Variants in ATP10B observed in about 807,000 individuals in gnomAD.
ATP10B encodes the protein ATPase phospholipid transporting 10B (putative).
ATP10B carries 122 observed loss-of-function variants against 141.2 expected under a neutral mutation model. The observed-to-expected ratio is 0.86, with a 90% CI of 0.75 to 1.00. The LOEUF (loss-of-function observed/expected upper bound fraction) is 1.00, where lower values mean the gene tolerates loss of function less well. Among genes scored for constraint, ATP10B ranks in the 50% least tolerant of loss-of-function variants. The probability of loss-of-function intolerance (pLI) is 0.00; values close to 1 mark genes in which losing one functional copy is unlikely to be tolerated. For synonymous variants in ATP10B, 685 were observed against 692.0 expected (o/e 0.99, Z 0.16); for missense variants, 1,876 against 1,825.3 (o/e 1.03, Z -0.51).
chr5:160,858,218 ATGTCTC>A, the ATP10B span, among the ~76,000 whole-genome samples: 1 of 151,822 alleles, frequency 6.6e-6, no homozygotes, highest in Non-Finnish European at 1.5e-5. Flanking sequence ...CCATTATATA[ATGTCTC>A]TGTCTCTGGT....
chr5:160,813,189 G>C lies in ATP10B; in HGVS notation c.-575-27386C>G, dbSNP rs558973127. On this transcript the variant is annotated intron_variant, in intron 1 of 25. Transcript: ENST00000327245. ...ATGAGCCGAAGCAGGGCGAGGCATC[G>C]CCTCACCCGGGAAGCACAAGGGGTC... is the stretch of plus-strand genomic sequence containing the variant. Among the ~76,000 whole-genome samples, 3 of 152,328 alleles carry C rather than the reference G, an allele frequency of 2.0e-5. No individual in the cohort carries two copies. In the South Asian group the frequency reaches 6.2e-4, roughly 32 times the overall value.
intron 2 of ATP10B, among the ~76,000 whole-genome samples, chr5:160,750,713 G>T (rs1342908102): frequency 6.6e-6 from 1 of 152,102 alleles, no homozygotes; most frequent in Non-Finnish European, 1.5e-5. Context: ...ATAAATTGCA[G>T]CCCCTTAAAC....
At chr5:160,627,541 A>G (rs1758673850) in intron 13 of ATP10B, among the ~76,000 whole-genome samples, 1 of 152,178 alleles carries the variant, frequency 6.6e-6, no homozygotes, top group Non-Finnish European at 1.5e-5. Flanking sequence ...AACTGGTACA[A>G]CGTCTTGGGA....
intron 16 of ATP10B, 89 bp from the exon 17 acceptor site, chr5:160,616,053 G>T: frequency 1.4e-6 from 2 of 1,455,774 alleles, no homozygotes; most frequent in African/African-American, 1.4e-5. Context: ...TCTCCTATTG[G>T]CCTGTTTGAA....
intron 2 of ATP10B, among the ~76,000 whole-genome samples, chr5:160,783,446 C>CATAT (rs368913170): frequency 7.9e-4 from 95 of 120,568 alleles, no homozygotes; most frequent in East Asian, 2.3e-3. Context: ...ATATCCATCA[C>CATAT]ATATATATAT....
chr5:160,888,267 GA>G, the ATP10B span, among the ~76,000 whole-genome samples: 1 of 152,078 alleles, frequency 6.6e-6, no homozygotes, highest in Non-Finnish European at 1.5e-5. Flanking sequence ...TGAGCTTTGG[GA>G]AAAGAGTATC....
intron 1 of ATP10B, among the ~76,000 whole-genome samples, chr5:160,825,332 T>A (rs1165043649): frequency 6.6e-6 from 1 of 152,220 alleles, no homozygotes; most frequent in African/African-American, 2.4e-5. Context: ...GATAATTTAA[T>A]CATGGGGGCA....
chr5:160,590,823 GA>G (rs746592885), intron 23 of ATP10B, among the ~76,000 whole-genome samples: 1 of 152,002 alleles, frequency 6.6e-6, no homozygotes, highest in Non-Finnish European at 1.5e-5. Context: ...TGCTATGAGG[GA>G]AAAAATGACC....
chr5:160,622,764 T>A (rs796219923), intron 13 of ATP10B, among the ~76,000 whole-genome samples, 179 bp from the exon 14 acceptor site: 11 of 152,310 alleles, frequency 7.2e-5, no homozygotes, highest in African/African-American at 2.6e-4. Flanking sequence ...TGCCTCTCAG[T>A]GCCACATGTC....
At chr5:160,671,293 TA>T (rs1464627005) in intron 6 of ATP10B, among the ~76,000 whole-genome samples, 1 of 151,450 alleles carries the variant, frequency 6.6e-6, no homozygotes, top group Non-Finnish European at 1.5e-5. Flanking sequence ...CCTTAAAAGA[TA>T]AAAATTTTAA....
chr5:160,776,606 G>A (rs1413781089), intron 2 of ATP10B, among the ~76,000 whole-genome samples: 2 of 152,178 alleles, frequency 1.3e-5, no homozygotes, highest in East Asian at 3.9e-4. Context: ...CAGTTAGACT[G>A]GTCCCATACT....
chr5:160,842,207 C>A (rs934089483), intron 1 of ATP10B, among the ~76,000 whole-genome samples: 1 of 151,974 alleles, frequency 6.6e-6, no homozygotes, highest in Non-Finnish European at 1.5e-5. Flanking sequence ...AGTTTGAAAA[C>A]CAAGCAATAA....
At chr5:160,609,381 ATTTT>A (rs11341335) in intron 18 of ATP10B, among the ~76,000 whole-genome samples, 2 of 143,152 alleles carry the variant, frequency 1.4e-5, no homozygotes, top group Admixed American at 7.0e-5. Context: ...GCCATAACTT[ATTTT>A]TTTTTTTTTT....
chr5:160,867,052 T>G, the ATP10B span, among the ~76,000 whole-genome samples: 22 of 152,266 alleles, frequency 1.4e-4, no homozygotes, highest in South Asian at 4.6e-3. Flanking sequence ...CATCATGTAC[T>G]AGCTATATGT....
chr5:160,660,264 T>C (rs1316849517), intron 7 of ATP10B, among the ~76,000 whole-genome samples: 3 of 152,202 alleles, frequency 2.0e-5, no homozygotes, highest in African/African-American at 7.2e-5. Context: ...AGCATGTACT[T>C]ATTGTGGTTT....
At chr5:160,782,438 TACAC>T (rs57112303) in intron 2 of ATP10B, among the ~76,000 whole-genome samples, 8,534 of 141,076 alleles carry the variant, frequency 0.06, 287 homozygotes, top group African/African-American at 0.091. Context: ...TCTTCCTCCA[TACAC>T]ACACACACAC....
At chr5:160,778,586 T>C (rs1344776392) in intron 2 of ATP10B, among the ~76,000 whole-genome samples, 1 of 152,184 alleles carries the variant, frequency 6.6e-6, no homozygotes, top group East Asian at 1.9e-4. Flanking sequence ...GGATGTCACA[T>C]CCAGAGAGCA....
In ATP10B at chr5:160,632,420, T is replaced by C. The variant is rs911126156; in HGVS notation, c.1382-53A>G. ...CTAGTTGTACCTCGGCTGGACCATG[T>C]TGGGGAAAACCTAGACTTTGTGTGG... On this transcript the variant is annotated intron_variant, in intron 12 of 25. Transcript: ENST00000327245. The C allele has an allele frequency of 1.1e-5, 17 of 1,561,202 alleles. No individual in the cohort carries two copies. In the Admixed American group the frequency reaches 1.5e-4, roughly 14 times the overall value.
chr5:160,915,283 G>A, the ATP10B span, among the ~76,000 whole-genome samples: 1 of 150,734 alleles, frequency 6.6e-6, no homozygotes, highest in Non-Finnish European at 1.5e-5. Flanking sequence ...AAAAATACAG[G>A]ATGAGGTATT....
Sources: allele counts gnomAD v4.1 joint callset (sites outside exome capture counted in the v4.1 genomes callset), GRCh38; gene constraint gnomAD v4.1.1; transcripts MANE v1.5; gene names NCBI Gene and HGNC (gene_info 2026-07-23, HGNC 2026-07-21).